The following TMEM135 variants were observed in gnomAD, a reference collection of about 807,000 sequenced individuals.
TMEM135 encodes the protein transmembrane protein 135.
In TMEM135, 30 loss-of-function variants were observed where a neutral mutation model predicts 60.3. That is an observed-to-expected ratio of 0.50 (90% CI 0.37 to 0.68). The LOEUF is 0.68. TMEM135 is among the 30% of genes least tolerant of loss of function. The pLI is 0.00. For missense variants in TMEM135, 468 were observed against 548.8 expected, an observed-to-expected ratio of 0.85 and a Z score of 1.47; for synonymous variants, 190 against 186.7, an observed-to-expected ratio of 1.02 and a Z score of -0.14.
intron 3 of TMEM135, among the ~76,000 whole-genome samples, chr11:87,086,052 G>T (rs1857088630): frequency 6.6e-6 from 1 of 152,114 alleles, no homozygotes; most frequent in African/African-American, 2.4e-5. Context: ...CAACTTTAAG[G>T]AGGTCTGATC....
At chr11:87,215,571 G>C (rs1423642166) in intron 5 of TMEM135, among the ~76,000 whole-genome samples, 1 of 152,200 alleles carries the variant, frequency 6.6e-6, no homozygotes, top group Admixed American at 6.5e-5. Context: ...AAGGTTCCAA[G>C]AGAGGAAAGT....
In TMEM135 at chr11:87,323,623, G is replaced by C; in HGVS notation, c.*2290G>C. The C allele has an allele frequency of 2.2e-6, 1 of 453,820 alleles. No homozygotes were observed. The highest frequency in any genetic ancestry group is 6.9e-5 in the East Asian group (1 of 14,396). The allele number at this position is 453,820 out of a possible 1,614,324, so 28.1% of individuals were successfully genotyped here. On this transcript the variant is annotated 3_prime_UTR_variant, in exon 15 of 15. Coordinates refer to ENST00000305494, the MANE Select transcript of TMEM135 (RefSeq NM_022918.4). ...AATAATATGTCCCCTTAGTCTTTCTGACATTTTTATATAGATTGAGATTGA... is the reference window on the plus strand; with the variant it reads ...AATAATATGTCCCCTTAGTCTTTCTCACATTTTTATATAGATTGAGATTGA...
intron 5 of TMEM135, among the ~76,000 whole-genome samples, chr11:87,224,413 A>G (rs1032778811): frequency 9.9e-5 from 15 of 152,214 alleles, no homozygotes; most frequent in Non-Finnish European, 2.1e-4. Flanking sequence ...AATGACAGAA[A>G]TCTGAATTGC....
chr11:87,311,125 G>A (rs574312820), intron 10 of TMEM135, among the ~76,000 whole-genome samples: 170 of 146,650 alleles, frequency 1.2e-3, no homozygotes, highest in Non-Finnish European at 2.0e-3. Context: ...ATATATATAC[G>A]TACACATATA....
At chr11:87,074,832 C>T (rs1856838518) in intron 3 of TMEM135, among the ~76,000 whole-genome samples, 1 of 152,194 alleles carries the variant, frequency 6.6e-6, no homozygotes, top group African/African-American at 2.4e-5. Flanking sequence ...ACCATTTTTT[C>T]ATACCATCCA....
At chr11:87,201,805 T>A (rs1274333957) in intron 5 of TMEM135, among the ~76,000 whole-genome samples, 1 of 152,194 alleles carries the variant, frequency 6.6e-6, no homozygotes, top group Non-Finnish European at 1.5e-5. Flanking sequence ...TAATACTTAC[T>A]CTGCACTAAG....
chr11:87,242,934 A>G (rs1265692496), intron 6 of TMEM135, among the ~76,000 whole-genome samples: 3,566 of 144,884 alleles, frequency 0.025, 131 homozygotes, highest in African/African-American at 0.085. Context: ...GCCCATGCCT[A>G]TGTCCTGAAT....
chr11:87,194,202 T>G (rs1227661266), intron 5 of TMEM135, among the ~76,000 whole-genome samples: 1 of 152,148 alleles, frequency 6.6e-6, no homozygotes, highest in African/African-American at 2.4e-5. Context: ...AAAAAAAAAT[T>G]GGTAAATGTA....
intron 4 of TMEM135, among the ~76,000 whole-genome samples, chr11:87,109,740 T>A (rs1857694837): frequency 6.6e-6 from 1 of 152,212 alleles, no homozygotes; most frequent in Admixed American, 6.5e-5. Flanking sequence ...AACCCTTCAA[T>A]CATCCTGGAG....
intron 7 of TMEM135, among the ~76,000 whole-genome samples, chr11:87,299,430 C>T (rs1942406518): frequency 6.6e-6 from 1 of 152,152 alleles, no homozygotes; most frequent in Non-Finnish European, 1.5e-5. Context: ...GGGAAACTGA[C>T]CCCATGATCC....
At chr11:87,083,564 C>G (rs548065880) in intron 3 of TMEM135, among the ~76,000 whole-genome samples, 1 of 152,150 alleles carries the variant, frequency 6.6e-6, no homozygotes, top group African/African-American at 2.4e-5. Context: ...CAGGTATGAC[C>G]AGAATGAATG....
intron 6 of TMEM135, among the ~76,000 whole-genome samples, chr11:87,253,971 A>G (rs368293390): frequency 6.6e-6 from 1 of 152,206 alleles, no homozygotes; most frequent in Admixed American, 6.5e-5. Flanking sequence ...ATGACAGTCC[A>G]CAGATTTTAA....
At chr11:87,157,074 GTTT>G (rs199977904) in intron 4 of TMEM135, among the ~76,000 whole-genome samples, 3 of 137,890 alleles carry the variant, frequency 2.2e-5, no homozygotes, top group Non-Finnish European at 3.1e-5. Context: ...TCTTTCTTTT[GTTT>G]TTTTTTTTTT....
intron 1 of TMEM135, 74 bp downstream of exon 1, chr11:87,038,260 G>A: frequency 2.5e-6 from 4 of 1,598,712 alleles, no homozygotes; most frequent in Admixed American, 1.7e-5. Flanking sequence ...TGGTGCTCCC[G>A]AGGGGCTCTG....
intron 4 of TMEM135, among the ~76,000 whole-genome samples, chr11:87,140,721 T>C (rs1591050307): frequency 6.6e-6 from 1 of 152,314 alleles, no homozygotes; most frequent in East Asian, 1.9e-4. Context: ...ATCATAAATG[T>C]TTTCTCCAGT....
chr11:87,058,202 T>C (rs1437726889), intron 1 of TMEM135, among the ~76,000 whole-genome samples: 2 of 152,178 alleles, frequency 1.3e-5, no homozygotes, highest in Non-Finnish European at 2.9e-5. Flanking sequence ...AGCACCCTCA[T>C]AGACATACCC....
chr11:87,286,539 C>A (rs150036792), intron 6 of TMEM135, among the ~76,000 whole-genome samples: 6 of 152,180 alleles, frequency 3.9e-5, no homozygotes, highest in Non-Finnish European at 8.8e-5. Context: ...AGCCCTTAGG[C>A]GGTCGATGGG....
At chr11:87,235,498 T>C (rs1466716582) in intron 5 of TMEM135, among the ~76,000 whole-genome samples, 1 of 151,998 alleles carries the variant, frequency 6.6e-6, no homozygotes, top group East Asian at 1.9e-4. Context: ...TCAAGCTTGA[T>C]TTGTAATGGC....
chr11:87,202,848 C>T (rs1940146700), intron 5 of TMEM135, among the ~76,000 whole-genome samples: 2 of 150,660 alleles, frequency 1.3e-5, no homozygotes, highest in Non-Finnish European at 3.0e-5. Context: ...CTGGCTAACA[C>T]GGTGAAACCC....
Sources: gnomAD v4.1 joint callset for allele counts (sites outside exome capture counted in the v4.1 genomes callset) on GRCh38, gnomAD v4.1.1 for gene constraint, MANE v1.5 for transcripts, NCBI Gene and HGNC (gene_info 2026-07-23, HGNC 2026-07-21) for gene names.